The following IFT52 variants were observed in gnomAD, a reference collection of about 807,000 sequenced individuals.
IFT52 encodes intraflagellar transport protein 52 homolog.
Under a neutral mutation model 54.4 loss-of-function variants are expected in IFT52, and 44 were observed. The observed-to-expected ratio is 0.81, with a 90% CI of 0.63 to 1.04. IFT52 has a LOEUF of 1.04. IFT52 is among the 50% of genes least tolerant of loss of function. The probability of loss-of-function intolerance (pLI) is 0.00; values close to 1 mark genes in which losing one functional copy is unlikely to be tolerated. For missense variants in IFT52, 452 were observed against 523.6 expected (o/e 0.86, Z 1.33); for synonymous variants, 181 against 185.3 (o/e 0.98, Z 0.19).
intron 12 of IFT52, among the ~76,000 whole-genome samples, chr20:43,641,367 T>C (rs1985909387): frequency 6.6e-6 from 1 of 151,452 alleles, no homozygotes; most frequent in Admixed American, 6.6e-5. Context: ...CCTTCCTGAG[T>C]AGCTGGGATT....
Position 43,627,922 on chromosome 20 carries a change from G to GTT in IFT52, c.923+3899_923+3900dup, listed in dbSNP as rs554920528. ...ATATATATAGAGAGAGAGAGAGAGA[G>GTT]TTTTTTTTTTTTTTTTTTTTTTTGA... On this transcript the variant is annotated intron_variant, in intron 10 of 13. Transcript: ENST00000373030. Among the ~76,000 whole-genome samples, 83 of 56,074 alleles carry GTT rather than the reference G, an allele frequency of 1.5e-3. 1 individual carries two copies. The highest frequency in any genetic ancestry group is 5.1e-3 in the African/African-American group (63 of 12,440). 36.8% of individuals were successfully genotyped at this position (56,074 alleles called of 152,430 possible). A position where few individuals can be genotyped will look rare whatever the true frequency, so the allele number is the denominator to read the frequency against.
intron 6 of IFT52, among the ~76,000 whole-genome samples, chr20:43,606,844 C>A (rs1029309621): frequency 6.6e-6 from 1 of 152,166 alleles, no homozygotes; most frequent in Non-Finnish European, 1.5e-5. Context: ...TTGCACCGCC[C>A]TTAATCCATT....
At chr20:43,602,487 T>C (rs956166129) in intron 3 of IFT52, among the ~76,000 whole-genome samples, 2 of 151,968 alleles carry the variant, frequency 1.3e-5, no homozygotes, top group African/African-American at 4.8e-5. Flanking sequence ...AAATAATTCA[T>C]TTTTTATTTT....
At chr20:43,633,212 G>A (rs978527330) in intron 10 of IFT52, among the ~76,000 whole-genome samples, 14 of 151,362 alleles carry the variant, frequency 9.2e-5, no homozygotes, top group South Asian at 4.2e-4. Flanking sequence ...GCATGGTGGC[G>A]CATGCCTGTA....
intron 10 of IFT52, among the ~76,000 whole-genome samples, chr20:43,634,548 G>GA (rs1378875461): frequency 1.3e-5 from 2 of 151,418 alleles, no homozygotes; most frequent in South Asian, 2.1e-4. Context: ...GATCTAAAAT[G>GA]AAAAAAGATT....
At chr20:43,609,607 A>AT (rs1170042346) in intron 6 of IFT52, among the ~76,000 whole-genome samples, 1 of 151,870 alleles carries the variant, frequency 6.6e-6, no homozygotes, top group East Asian at 1.9e-4. Flanking sequence ...CCCCATCTAT[A>AT]TTAAAAAAAA....
Position 43,637,264 on chromosome 20 carries a change from C to T in IFT52, c.1120+11C>T, listed in dbSNP as rs1209284185. 1.8e-5 allele frequency: 26 copies of T among 1,478,372 alleles called. No individual in the cohort carries two copies. Among genetic ancestry groups the T allele is most frequent in the East Asian group, 2.4e-5 (1 of 42,150 alleles). 91.6% of individuals were successfully genotyped at this position (1,478,372 alleles called of 1,614,324 possible). On this transcript the variant is annotated intron_variant, in intron 12 of 13. Transcript: ENST00000373030. The stretch of plus-strand genomic sequence containing the variant: ...AGATTACCAATAAGTGTAAGTTTGG[C>T]GAACTTTTTTTTTTTGAGACAGAGT...
At chr20:43,604,586 T>C (rs1163976235) in intron 5 of IFT52, among the ~76,000 whole-genome samples, 2 of 151,848 alleles carry the variant, frequency 1.3e-5, no homozygotes, top group Non-Finnish European at 2.9e-5. Context: ...AAAAAAAAAA[T>C]AAAGCAGAAA....
intron 3 of IFT52, among the ~76,000 whole-genome samples, chr20:43,600,977 AGAAATT>A (rs916732694): frequency 6.6e-6 from 1 of 152,128 alleles, no homozygotes; most frequent in Non-Finnish European, 1.5e-5. Context: ...AAAAAAATAA[AGAAATT>A]GGAGTTAGAT....
chr20:43,636,257 TTC>T (rs1985532212), intron 11 of IFT52, among the ~76,000 whole-genome samples: 1 of 152,220 alleles, frequency 6.6e-6, no homozygotes, highest in Non-Finnish European at 1.5e-5. Context: ...ACATTTCCTA[TTC>T]TCATCTTGTG....
chr20:43,618,843 G>T, intron 7 of IFT52, 97 bp from the exon 8 acceptor site: 3 of 790,484 alleles, frequency 3.8e-6, no homozygotes, highest in Non-Finnish European at 4.3e-6. Flanking sequence ...CAGTATATAA[G>T]ACAGTTGCTA....
chr20:43,600,899 A>G (rs1982389683), intron 3 of IFT52, among the ~76,000 whole-genome samples: 1 of 152,044 alleles, frequency 6.6e-6, no homozygotes, highest in Non-Finnish European at 1.5e-5. Context: ...TGAACCCAGG[A>G]GGCGAAGTTT....
chr20:43,606,778 G>A (rs948109061), intron 6 of IFT52, among the ~76,000 whole-genome samples: 1 of 152,066 alleles, frequency 6.6e-6, no homozygotes, highest in African/African-American at 2.4e-5. Context: ...ATTAGGGAGT[G>A]GTGATGACTC....
chr20:43,640,451 C>T (rs1316798644), intron 12 of IFT52, among the ~76,000 whole-genome samples: 1 of 151,894 alleles, frequency 6.6e-6, no homozygotes, highest in Non-Finnish European at 1.5e-5. Context: ...CAGAGTGGGA[C>T]TCCATCTGAA....
In IFT52 at chr20:43,637,155, C is replaced by T; in HGVS notation, c.1022C>T (p.Pro341Leu). Residue 341 changes from proline to leucine, a missense_variant, in exon 12 of 14, where the codon CCC becomes CTC. By Grantham distance (98) the Pro-to-Leu change is moderately conservative. Transcript: ENST00000373030. ...LPTLQPAVFP[P>L]SFRELPPPPL... is the part of the protein sequence containing the mutation. ...TTTATTTCCTTTTAGGTTTTTCCTC[C>T]CAGTTTCCGGGAGTTACCACCTCCT... 6.2e-7 allele frequency: 1 copy of T among 1,609,750 alleles called. No homozygotes were observed. Among genetic ancestry groups the T allele is most frequent in the Non-Finnish European group, 8.5e-7 (1 of 1,176,542 alleles).
chr20:43,594,739 A>G lies in IFT52; in HGVS notation c.41A>G (p.Tyr14Cys), dbSNP rs1047392040. 2.5e-6 allele frequency: 4 copies of G among 1,613,074 alleles called. No individual in the cohort carries two copies. The highest frequency in any genetic ancestry group is 8.5e-7 in the Non-Finnish European group (1 of 1,179,010). The change falls in exon 2 of 14, where the codon TAC becomes TGC. Residue 14 changes from tyrosine (Y) to cysteine (C), a missense_variant. Coordinates refer to ENST00000373030, the MANE Select transcript of IFT52 (RefSeq NM_016004.5). ...CGGAGCACCATTCTTTTCAATGCCT[A>G]CAAAAAGGAGATATTTACCACCAAC... ...ELRSTILFNA[Y>C]KKEIFTTNNG...
At chr20:43,624,131 G>A (rs1156447414) in intron 10 of IFT52, 86 bp downstream of exon 10, 1 of 1,389,540 alleles carries the variant, frequency 7.2e-7, no homozygotes, top group Non-Finnish European at 1.0e-6. Flanking sequence ...GGGAATTAGG[G>A]TCACAGTAAA....
At chr20:43,599,041 G>A (rs1473486521) in intron 3 of IFT52, among the ~76,000 whole-genome samples, 1 of 152,166 alleles carries the variant, frequency 6.6e-6, no homozygotes, top group Non-Finnish European at 1.5e-5. Flanking sequence ...GCTGGGAATG[G>A]CATGGAGAGG....
Position 43,624,014 on chromosome 20 carries a change from C to G in IFT52, c.892C>G (p.Leu298Val). 1 of 1,614,166 alleles carries G rather than the reference C, an allele frequency of 6.2e-7. No homozygotes were observed. Among genetic ancestry groups the G allele is most frequent in the Non-Finnish European group, 8.5e-7 (1 of 1,180,014 alleles). ...TTLFDLSIFQ[L>V]DTTSFHSVIE... is the part of the protein sequence containing the mutation. Reference sequence around the variant, plus strand: ...CCTCTTCGACCTGTCCATCTTCCAGCTGGATACCACCTCCTTCCACAGCGT... The same window carrying G: ...CCTCTTCGACCTGTCCATCTTCCAGGTGGATACCACCTCCTTCCACAGCGT... Residue 298 changes from leucine to valine, a missense_variant, in exon 10 of 14, where the codon CTG becomes GTG. Physicochemically the swap from Leu to Val is conservative, Grantham distance 32. Transcript: ENST00000373030.
Sources: gnomAD v4.1 joint callset for allele counts (sites outside exome capture counted in the v4.1 genomes callset) on GRCh38, gnomAD v4.1.1 for gene constraint, MANE v1.5 for transcripts, NCBI Gene and HGNC (gene_info 2026-07-23, HGNC 2026-07-21) for gene names.